Variants in RTL4 observed in about 807,000 individuals in gnomAD.
RTL4 encodes the protein retrotransposon Gag-like protein 4.
A neutral mutation model predicts 5.3 loss-of-function variants in RTL4; 4 were observed. The observed-to-expected ratio is 0.75, with a 90% confidence interval of 0.37 to 1.72. The LOEUF is 1.72. Ranked by LOEUF, RTL4 falls within the 40% of genes most tolerant of loss-of-function variation. RTL4 has a pLI of 0.04. For missense variants in RTL4, 260 were observed against 227.1 expected (o/e 1.14, Z -0.93); for synonymous variants, 98 against 87.3 (o/e 1.12, Z -0.68).
chrX:112,252,203 C>T, the RTL4 span, among the ~76,000 whole-genome samples: 1 of 111,978 alleles, frequency 8.9e-6, no homozygotes, highest in Non-Finnish European at 1.9e-5. Context: ...TTCCAGGTAT[C>T]CTACAAGGAA....
chrX:112,201,130 G>A, the RTL4 span, among the ~76,000 whole-genome samples: 2 of 111,008 alleles, frequency 1.8e-5, no homozygotes, highest in Non-Finnish European at 3.8e-5. Flanking sequence ...TTCACAAGGC[G>A]GCAAGAAGAA....
the RTL4 span, among the ~76,000 whole-genome samples, chrX:112,151,763 C>T: frequency 9.0e-5 from 10 of 111,639 alleles, no homozygotes; most frequent in Admixed American, 2.9e-4. Flanking sequence ...TGCTTTAATC[C>T]GTTCAAAGCA....
At chrX:112,098,512 C>G in the RTL4 span, among the ~76,000 whole-genome samples, 21 of 111,415 alleles carry the variant, frequency 1.9e-4, no homozygotes, top group Non-Finnish European at 3.6e-4. Flanking sequence ...ATTTCTAGTT[C>G]TAGATCCCTG....
chrX:112,301,149 A>G, the RTL4 span, among the ~76,000 whole-genome samples: 1 of 111,770 alleles, frequency 8.9e-6, no homozygotes, highest in East Asian at 2.8e-4. Flanking sequence ...CATCAATAAG[A>G]TCTTCTGTTC....
chrX:112,097,691 C>T, the RTL4 span, among the ~76,000 whole-genome samples: 4 of 111,200 alleles, frequency 3.6e-5, no homozygotes, highest in Non-Finnish European at 7.6e-5. Context: ...CTAATAAATG[C>T]CCAGTGCTGA....
chrX:112,222,078 G>A, the RTL4 span, among the ~76,000 whole-genome samples: 3 of 111,739 alleles, frequency 2.7e-5, no homozygotes, highest in Non-Finnish European at 5.6e-5. Flanking sequence ...ATCACTGTGA[G>A]AACAGTATAG....
upstream of RTL4, among the ~76,000 whole-genome samples, chrX:112,452,489 G>C (rs73545744): frequency 0.06 from 6,513 of 109,244 alleles, 467 homozygotes; most frequent in African/African-American, 0.19. Context: ...CTCATTGATG[G>C]ACATCTGGGA....
At chrX:112,122,155 T>C in the RTL4 span, among the ~76,000 whole-genome samples, 1 of 111,610 alleles carries the variant, frequency 9.0e-6, no homozygotes, top group African/African-American at 3.3e-5. Context: ...GCACTGTTCA[T>C]AATAGCCAAA....
At chrX:112,381,490 G>A in the RTL4 span, 36 of 1,199,681 alleles carry the variant, frequency 3.0e-5, no homozygotes, top group South Asian at 5.3e-4. Context: ...TACTTGTCCA[G>A]GCTGAAAACA....
At chrX:112,337,917 C>A in the RTL4 span, among the ~76,000 whole-genome samples, 2 of 111,524 alleles carry the variant, frequency 1.8e-5, no homozygotes, top group African/African-American at 6.5e-5. Context: ...TGGACAAATT[C>A]TCTAGGCTCT....
chrX:112,330,795 G>C, the RTL4 span, among the ~76,000 whole-genome samples: 3 of 111,241 alleles, frequency 2.7e-5, no homozygotes, highest in African/African-American at 9.8e-5. Context: ...CATGGTACTG[G>C]TACCAAAACA....
chrX:112,176,770 A>G, the RTL4 span, among the ~76,000 whole-genome samples: 1 of 110,525 alleles, frequency 9.0e-6, no homozygotes, highest in African/African-American at 3.3e-5. Flanking sequence ...ACTAATATGT[A>G]TTACTTGTAT....
At chrX:112,323,125 C>T in the RTL4 span, among the ~76,000 whole-genome samples, 6 of 112,093 alleles carry the variant, frequency 5.4e-5, no homozygotes, top group African/African-American at 9.7e-5. Context: ...TTTCCAAAAA[C>T]GCTGTAAAAC....
At chrX:112,124,371 G>A in the RTL4 span, among the ~76,000 whole-genome samples, 9 of 111,332 alleles carry the variant, frequency 8.1e-5, no homozygotes, top group South Asian at 3.8e-4. Context: ...GCATGCACAC[G>A]TATGTTTATT....
the RTL4 span, among the ~76,000 whole-genome samples, chrX:112,163,564 C>G: frequency 9.0e-6 from 1 of 111,652 alleles, no homozygotes; most frequent in Non-Finnish European, 1.9e-5. Context: ...GAGGATAAAG[C>G]CTTTTGTTGC....
the RTL4 span, among the ~76,000 whole-genome samples, chrX:112,419,609 A>ATG: frequency 1.5e-4 from 3 of 20,089 alleles, no homozygotes; most frequent in Non-Finnish European, 5.8e-4. Flanking sequence ...ACATATGTAT[A>ATG]TGTATATATA....
the RTL4 span, among the ~76,000 whole-genome samples, chrX:112,430,709 TCTGGGATTACAG>T: frequency 9.0e-6 from 1 of 111,481 alleles, no homozygotes; most frequent in Non-Finnish European, 1.9e-5. Context: ...CACATCAGAT[TCTGGGATTACAG>T]CTGGGATTAC....
the RTL4 span, among the ~76,000 whole-genome samples, chrX:112,223,791 C>A: frequency 5.1e-4 from 57 of 112,278 alleles, no homozygotes; most frequent in African/African-American, 1.8e-3. Flanking sequence ...TAATTCATAG[C>A]AATATTCATT....
chrX:112,217,326 G>C, the RTL4 span, among the ~76,000 whole-genome samples: 1 of 111,974 alleles, frequency 8.9e-6, no homozygotes, highest in South Asian at 3.8e-4. Flanking sequence ...GTGGTTATCA[G>C]AGGAGGCATT....
Sources: allele counts gnomAD v4.1 joint callset (sites outside exome capture counted in the v4.1 genomes callset), GRCh38; gene constraint gnomAD v4.1.1; transcripts MANE v1.5; gene names NCBI Gene and HGNC (gene_info 2026-07-23, HGNC 2026-07-21).